The following CDYL variants were observed in gnomAD, a reference collection of about 807,000 sequenced individuals.
CDYL encodes the protein chromodomain Y like, also known as chromodomain Y-like protein.
CDYL carries 8 observed loss-of-function variants against 47.3 expected under a neutral mutation model. The observed-to-expected ratio is 0.17, with a 90% CI of 0.10 to 0.31. The LOEUF (loss-of-function observed/expected upper bound fraction) is 0.31, where lower values mean the gene tolerates loss of function less well. Among genes scored for constraint, CDYL ranks in the 10% least tolerant of loss-of-function variants. CDYL has a pLI of 1.00. For synonymous variants in CDYL, 266 were observed against 265.0 expected, an observed-to-expected ratio of 1.00 and a Z score of -0.04; for missense variants, 471 against 701.4, an observed-to-expected ratio of 0.67 and a Z score of 3.71.
intron 5 of CDYL, among the ~76,000 whole-genome samples, chr6:4,945,558 G>A (rs1758487750): frequency 6.6e-6 from 1 of 152,246 alleles, no homozygotes; most frequent in Non-Finnish European, 1.5e-5. Context: ...CCAGCTCAGA[G>A]TTGCTGCACT....
intron 1 of CDYL, among the ~76,000 whole-genome samples, chr6:4,840,993 T>C (rs1478351851): frequency 1.3e-5 from 2 of 152,170 alleles, no homozygotes; most frequent in Non-Finnish European, 2.9e-5. Context: ...TTGGTACCAA[T>C]TTTTCCTTAA....
intron 2 of CDYL, among the ~76,000 whole-genome samples, chr6:4,932,822 G>A (rs1273442428): frequency 6.6e-6 from 1 of 152,158 alleles, no homozygotes; most frequent in Non-Finnish European, 1.5e-5. Context: ...TGTCACCTAA[G>A]TGGCAATGTC....
intron 6 of CDYL, among the ~76,000 whole-genome samples, chr6:4,953,587 C>T (rs1413488763): frequency 6.6e-6 from 1 of 152,212 alleles, no homozygotes; most frequent in African/African-American, 2.4e-5. Context: ...ATCAGCAGAG[C>T]AGACGTCCAG....
chr6:4,931,306 C>T (rs1758027493), intron 2 of CDYL, among the ~76,000 whole-genome samples: 3 of 152,088 alleles, frequency 2.0e-5, no homozygotes, highest in Non-Finnish European at 2.9e-5. Flanking sequence ...TTCATGGGTG[C>T]TTTGAAGGAA....
At chr6:4,949,554 G>A (rs764206098) in intron 5 of CDYL, among the ~76,000 whole-genome samples, 1 of 152,176 alleles carries the variant, frequency 6.6e-6, no homozygotes, top group Non-Finnish European at 1.5e-5. Flanking sequence ...TCTTTTAATA[G>A]TTGGACAACT....
At chr6:4,830,075 C>G (rs1174343424) in intron 1 of CDYL, among the ~76,000 whole-genome samples, 2 of 152,014 alleles carry the variant, frequency 1.3e-5, no homozygotes, top group African/African-American at 4.8e-5. Context: ...GAGCTTCCTA[C>G]TCTACCAAGT....
intron 1 of CDYL, among the ~76,000 whole-genome samples, chr6:4,817,365 A>AAC (rs34741438): frequency 0.027 from 4,096 of 151,960 alleles, 195 homozygotes; most frequent in African/African-American, 0.093. Context: ...TAAAAAAAAA[A>AAC]AAAACTGTGA....
chr6:4,950,436 C>A (rs1758661969), intron 5 of CDYL, among the ~76,000 whole-genome samples: 2 of 152,316 alleles, frequency 1.3e-5, no homozygotes, highest in South Asian at 4.1e-4. Flanking sequence ...GAAAGGAAAA[C>A]CCCGACAGCA....
chr6:4,729,382 A>G (rs547859312), intron 2 of CDYL, among the ~76,000 whole-genome samples: 2 of 152,312 alleles, frequency 1.3e-5, no homozygotes, highest in Non-Finnish European at 2.9e-5. Context: ...TCGACTGAGC[A>G]TGCAAAAGCC....
At chr6:4,722,067 C>G (rs1757380326) in intron 2 of CDYL, among the ~76,000 whole-genome samples, 1 of 152,082 alleles carries the variant, frequency 6.6e-6, no homozygotes, top group African/African-American at 2.4e-5. Context: ...GTTGGTCAGG[C>G]TGGTCTCAAA....
upstream of CDYL, among the ~76,000 whole-genome samples, chr6:4,775,657 G>GC (rs1006156105): frequency 1.3e-5 from 2 of 150,056 alleles, no homozygotes; most frequent in African/African-American, 4.9e-5. This position sits in a 1 kb window ranked among gnomAD's most constrained non-coding sequence, Gnocchi z 7.0. Context: ...CCCGGCTCCC[G>GC]CCCCCCGGAT....
chr6:4,933,361 A>T (rs1439618917), intron 2 of CDYL, among the ~76,000 whole-genome samples: 2 of 151,716 alleles, frequency 1.3e-5, no homozygotes, highest in Non-Finnish European at 2.9e-5. Context: ...TCCCTCAGCA[A>T]CTCCAGGCTG....
intron 1 of CDYL, among the ~76,000 whole-genome samples, chr6:4,788,130 G>A (rs914975564): frequency 6.6e-6 from 1 of 152,074 alleles, no homozygotes; most frequent in Middle Eastern, 3.4e-3. Flanking sequence ...TCCTTCTTTT[G>A]GGTCTCCAGT....
At chr6:4,920,185 G>A (rs1455378674) in intron 2 of CDYL, among the ~76,000 whole-genome samples, 1 of 152,184 alleles carries the variant, frequency 6.6e-6, no homozygotes, top group African/African-American at 2.4e-5. Flanking sequence ...TTGGGGCGTG[G>A]GAGTGGAAAG....
intron 1 of CDYL, among the ~76,000 whole-genome samples, chr6:4,787,929 G>A (rs1353540965): frequency 2.0e-5 from 3 of 151,648 alleles, no homozygotes; most frequent in Non-Finnish European, 2.9e-5. Flanking sequence ...GCGCCACCAC[G>A]CCTGGCTAAT....
chr6:4,848,535 AAAC>A (rs1760728710), intron 1 of CDYL, among the ~76,000 whole-genome samples: 2 of 152,254 alleles, frequency 1.3e-5, no homozygotes, highest in South Asian at 2.1e-4. Context: ...AGCTGTAGAA[AAAC>A]AACAATGAAG....
intron 1 of CDYL, among the ~76,000 whole-genome samples, chr6:4,791,749 C>T (rs1758923805): frequency 6.6e-6 from 1 of 151,652 alleles, no homozygotes; most frequent in Non-Finnish European, 1.5e-5. Context: ...CCTGGTCTAA[C>T]TACTACGAAC....
In CDYL at chr6:4,717,740, A is replaced by AAAAAAAAAAT. The variant is rs1491395482; in HGVS notation, c.103+1859_103+1860insAAAAAAAAAT. Among the ~76,000 whole-genome samples, 32 of 118,758 alleles carry AAAAAAAAAAT rather than the reference A, an allele frequency of 2.7e-4. 4 individuals are homozygous for AAAAAAAAAAT. The highest frequency in any genetic ancestry group is 9.7e-4 in the African/African-American group (29 of 29,966). 77.9% of individuals were successfully genotyped at this position (118,758 alleles called of 152,430 possible). On this transcript the variant is annotated intron_variant, in intron 2 of 8. Transcript: ENST00000328908. ...AAAAAAAAAAAAAAAAAAAAAAAAA[A>AAAAAAAAAAT]TTAAAAATTGAAAGGGATTTTTGTT... is the stretch of plus-strand genomic sequence containing the variant.
At chr6:4,894,834 C>CGTGTGTGTGTGTGTGTGT (rs71540834) in intron 2 of CDYL, among the ~76,000 whole-genome samples, 11 of 145,432 alleles carry the variant, frequency 7.6e-5, no homozygotes, top group East Asian at 6.2e-4. Context: ...CCACAAAAGT[C>CGTGTGTGTGTGTGTGTGT]GTGTGTGTGT....
Sources: gnomAD v4.1 joint callset for allele counts (sites outside exome capture counted in the v4.1 genomes callset) on GRCh38, gnomAD v4.1.1 for gene constraint, Gnocchi (gnomAD v3.1) non-coding constraint, MANE v1.5 for transcripts, NCBI Gene and HGNC (gene_info 2026-07-23, HGNC 2026-07-21) for gene names.